The following DCHS2 variants were observed in gnomAD, a reference collection of about 807,000 sequenced individuals.
The protein encoded by DCHS2 is protocadherin-23.
A neutral mutation model predicts 182.4 loss-of-function variants in DCHS2; 142 were observed. The ratio of observed to expected loss-of-function variants is 0.78; its 90% confidence interval spans 0.68 to 0.89. The LOEUF (loss-of-function observed/expected upper bound fraction) is 0.89. Among genes scored for constraint, DCHS2 ranks in the 40% least tolerant of loss-of-function variants. The pLI is 0.00. For synonymous variants in DCHS2, 1,740 were observed against 1,663.3 expected (o/e 1.05, Z -1.12); for missense variants, 4,319 against 4,198.6 (o/e 1.03, Z -0.79).
chr4:154,408,135 TTTAAAA>T (rs1560740134), intron 1 of DCHS2, among the ~76,000 whole-genome samples: 2 of 152,334 alleles, frequency 1.3e-5, no homozygotes, highest in Non-Finnish European at 1.5e-5. Context: ...CTAATATAAC[TTTAAAA>T]TTAACTTCTC....
intron 13 of DCHS2, among the ~76,000 whole-genome samples, chr4:154,270,556 T>C (rs2111205525): frequency 6.6e-6 from 1 of 151,976 alleles, no homozygotes; most frequent in South Asian, 2.1e-4. Context: ...TCAGATTTTA[T>C]TGTAAGTGCA....
At chr4:154,462,040 TGGC>T (rs1295854831) in intron 1 of DCHS2, among the ~76,000 whole-genome samples, 3 of 152,168 alleles carry the variant, frequency 2.0e-5, no homozygotes, top group Non-Finnish European at 2.9e-5. Context: ...AGAAACCACC[TGGC>T]GGGAACACAC....
chr4:154,427,594 C>A (rs544040325), intron 1 of DCHS2, among the ~76,000 whole-genome samples: 3 of 152,302 alleles, frequency 2.0e-5, no homozygotes, highest in East Asian at 1.9e-4. Context: ...CAAAGTTTTT[C>A]TTTTAACAGA....
At chr4:154,328,296 T>A in intron 6 of DCHS2, 104 bp from the exon 7 acceptor site, 1 of 737,578 alleles carries the variant, frequency 1.4e-6, no homozygotes, top group Non-Finnish European at 2.1e-6. Context: ...CATTTTAAAC[T>A]ATCTTAAAAT....
At position 154,235,990 on chromosome 4, in the gene DCHS2, T is replaced by A; in HGVS notation, c.8662A>T (p.Thr2888Ser). The change falls in exon 20 of 20, where the codon ACC becomes TCC. Residue 2888 changes from threonine (T) to serine (S), a missense_variant. By Grantham distance (58) the Thr-to-Ser change is moderately conservative. Transcript: ENST00000357232. ...CTGTCTTTATTCTTTTCTGGGAGGG[T>A]GAAAAAATACTGATCTTGAGTGAAA... ...PIFTQDQYFF[T>S]LPEKNKDRQL... 1.2e-6 allele frequency: 2 copies of A among 1,613,908 alleles called. No homozygotes were observed. Among genetic ancestry groups the A allele is most frequent in the Non-Finnish European group, 1.7e-6 (2 of 1,179,940 alleles).
chr4:154,360,516 C>T (rs1326304211), intron 3 of DCHS2, among the ~76,000 whole-genome samples: 1 of 152,022 alleles, frequency 6.6e-6, no homozygotes, highest in Admixed American at 6.6e-5. Flanking sequence ...AGAAAGTCAT[C>T]ATTTATTTGG....
chr4:154,347,122 T>C (rs560623833), intron 3 of DCHS2, among the ~76,000 whole-genome samples: 1 of 151,576 alleles, frequency 6.6e-6, no homozygotes, highest in South Asian at 2.1e-4. Flanking sequence ...GTAACGTTTT[T>C]AATCCTTGCC....
chr4:154,329,797 C>T lies in DCHS2; in HGVS notation c.3731-87G>A, dbSNP rs1016729098. On this transcript the variant is annotated intron_variant, in intron 5 of 19. Transcript: ENST00000357232. ...CCATTTCCAGAAGGAAAACCAAGTA[C>T]AAAGCTTTGAGCAAATATGCGACTT... The T allele has an allele frequency of 7.1e-6, 9 of 1,267,746 alleles. No individual in the cohort carries two copies. In the African/African-American group the frequency reaches 7.4e-5, roughly 10 times the overall value. The allele number at this position is 1,267,746 out of a possible 1,614,324, so 78.5% of individuals were successfully genotyped here. A position where few individuals can be genotyped will look rare whatever the true frequency, so the allele number is the denominator to read the frequency against.
chr4:154,375,834 C>T (rs576024802), intron 2 of DCHS2, among the ~76,000 whole-genome samples: 1 of 152,158 alleles, frequency 6.6e-6, no homozygotes, highest in Admixed American at 6.6e-5. Context: ...AAAATGGATA[C>T]CACCAACTAT....
chr4:154,324,046 C>T (rs6535994), intron 7 of DCHS2, among the ~76,000 whole-genome samples: 122,664 of 152,148 alleles, frequency 0.81, 52,000 homozygotes, highest in South Asian at 0.94. Context: ...GATAAATGCT[C>T]GATGAGTTAA....
chr4:154,412,392 GCCTTTCTCA>G (rs1193025259), intron 1 of DCHS2, among the ~76,000 whole-genome samples: 1 of 152,056 alleles, frequency 6.6e-6, no homozygotes, highest in African/African-American at 2.4e-5. Flanking sequence ...CAGTCTAGCT[GCCTTTCTCA>G]TCCCCACCAT....
At position 154,278,510 on chromosome 4, in the gene DCHS2, A is replaced by G. The variant is rs189921310; in HGVS notation, c.6464-8497T>C. On this transcript the variant is annotated intron_variant, in intron 13 of 19. Coordinates refer to ENST00000357232, the MANE Select transcript of DCHS2 (RefSeq NM_001358235.2). ...AATCTGAGGGAAAAAATAGACATCC[A>G]TATTCATGATACTTAAAGGACTATA... Among the ~76,000 whole-genome samples, 5 of 152,224 alleles carry G rather than the reference A, an allele frequency of 3.3e-5. No homozygotes were observed. In the East Asian group the frequency reaches 5.8e-4, roughly 18 times the overall value.
In DCHS2 at chr4:154,490,094, C is replaced by G. The variant is rs772369749; in HGVS notation, c.1262G>C (p.Gly421Ala). 7.1e-6 allele frequency: 11 copies of G among 1,549,688 alleles called. No individual in the cohort carries two copies. In the East Asian group the frequency reaches 2.7e-4, roughly 38 times the overall value. The change falls in exon 1 of 20, where the codon GGA becomes GCA. Residue 421 changes from glycine (G) to alanine (A), a missense_variant. By Grantham distance (60) the Gly-to-Ala change is moderately conservative. Coordinates refer to ENST00000357232, the MANE Select transcript of DCHS2 (RefSeq NM_001358235.2). ...GCCTTCAGAGACACGGGCGACGCCT[C>G]CCTCTGTGAGAAAGAGCACGTGAAT... is the stretch of plus-strand genomic sequence containing the variant. The part of the protein sequence containing the change: ...PAIHVLFLTE[G>A]GVARVSEGAR...
chr4:154,239,141 G>A (rs1731679423), intron 19 of DCHS2, 29 bp downstream of exon 19: 2 of 1,596,858 alleles, frequency 1.3e-6, no homozygotes, highest in Non-Finnish European at 1.7e-6. Flanking sequence ...CCAAACCTAT[G>A]AGCATTAATG....
Position 154,391,281 on chromosome 4 carries a change from AT to A in DCHS2, c.2053-13838del, listed in dbSNP as rs749339274. ...TCCGTCTTCATTCTCTGATTTCGTT[AT>A]CTCATCCAGTCTCATGATTTTAAAT... is the stretch of plus-strand genomic sequence containing the variant. On this transcript the variant is annotated intron_variant, in intron 1 of 19. Transcript: ENST00000357232. The A allele has an allele frequency of 1.9e-6, 3 of 1,600,174 alleles. No homozygotes were observed. The South Asian group carries it at 3.4e-5, about 18-fold the overall frequency.
intron 3 of DCHS2, among the ~76,000 whole-genome samples, chr4:154,359,707 G>A (rs1299861937): frequency 6.6e-6 from 1 of 151,988 alleles, no homozygotes; most frequent in Non-Finnish European, 1.5e-5. Context: ...ACAAATCTTA[G>A]CGACTAAGTA....
chr4:154,434,067 G>A (rs1323990699), intron 1 of DCHS2, among the ~76,000 whole-genome samples: 2 of 152,328 alleles, frequency 1.3e-5, no homozygotes, highest in East Asian at 3.9e-4. Context: ...ACGTCATGAA[G>A]TAAAACTGAG....
intron 14 of DCHS2, among the ~76,000 whole-genome samples, chr4:154,266,655 CAAAA>C (rs34664853): frequency 1.5e-5 from 2 of 137,126 alleles, no homozygotes; most frequent in Admixed American, 7.3e-5. Flanking sequence ...GGCTCCGTCT[CAAAA>C]AAAAAAAAAA....
At chr4:154,449,584 G>T (rs924099920) in intron 1 of DCHS2, among the ~76,000 whole-genome samples, 1 of 152,036 alleles carries the variant, frequency 6.6e-6, no homozygotes, top group East Asian at 1.9e-4. Flanking sequence ...TGTTGCCTAG[G>T]CTGGTCTCGA....
Sources: gnomAD v4.1 joint callset for allele counts (sites outside exome capture counted in the v4.1 genomes callset) on GRCh38, gnomAD v4.1.1 for gene constraint, MANE v1.5 for transcripts, NCBI Gene and HGNC (gene_info 2026-07-23, HGNC 2026-07-21) for gene names.